The following COLEC10 variants were observed in gnomAD, a reference collection of about 807,000 sequenced individuals.
The protein encoded by COLEC10 is collectin subfamily member 10, also known as collectin-10.
COLEC10 carries 22 observed loss-of-function variants against 28.4 expected under a neutral mutation model. The ratio of observed to expected loss-of-function variants is 0.78; its 90% CI spans 0.55 to 1.11. The LOEUF (loss-of-function observed/expected upper bound fraction) is 1.11. Ranked by LOEUF, COLEC10 falls within the 50% of genes least tolerant of loss-of-function variation. The pLI is 0.00. For missense variants in COLEC10, 361 were observed against 344.1 expected (o/e 1.05, Z -0.39); for synonymous variants, 125 against 116.1 (o/e 1.08, Z -0.49).
In COLEC10 at chr8:119,107,697, G is replaced by A. The variant is rs984359283; in HGVS notation, c.*1506G>A. ...GACTTACCTAAATGAAGTGGAACAC[G>A]TGGGGACCCTAGTGCACTGAGCACA... On this transcript the variant is annotated 3_prime_UTR_variant, in exon 6 of 6. Coordinates refer to ENST00000332843, the MANE Select transcript of COLEC10 (RefSeq NM_006438.5). Among the ~76,000 whole-genome samples, 1 of 152,144 alleles carries A rather than the reference G, an allele frequency of 6.6e-6. No homozygotes were observed. The highest frequency in any genetic ancestry group is 2.4e-5 in the African/African-American group (1 of 41,452).
chr8:119,096,333 T>C (rs1815716164), intron 3 of COLEC10, among the ~76,000 whole-genome samples: 1 of 152,206 alleles, frequency 6.6e-6, no homozygotes, highest in African/African-American at 2.4e-5. Flanking sequence ...AGCTGACGCC[T>C]GTACTCCCAG....
chr8:119,046,864 T>C (rs1814595675), intron 2 of COLEC10, among the ~76,000 whole-genome samples: 1 of 152,238 alleles, frequency 6.6e-6, no homozygotes, highest in Non-Finnish European at 1.5e-5. Context: ...AACATGATCA[T>C]GACCCATAAA....
intron 1 of COLEC10, among the ~76,000 whole-genome samples, chr8:119,083,543 A>G (rs182902476): frequency 3.9e-5 from 6 of 152,278 alleles, no homozygotes; most frequent in Non-Finnish European, 7.4e-5. Context: ...AATGCTCAGT[A>G]TGCTTGCAAT....
At chr8:118,975,446 C>T in the COLEC10 span, among the ~76,000 whole-genome samples, 1 of 151,962 alleles carries the variant, frequency 6.6e-6, no homozygotes, top group Admixed American at 6.6e-5. Context: ...GCATATAACT[C>T]ATTGTGTCAT....
At chr8:119,067,588 T>G (rs1031039170) in intron 1 of COLEC10, 159 bp downstream of exon 1, 2 of 644,532 alleles carry the variant, frequency 3.1e-6, no homozygotes, top group Admixed American at 6.1e-5. Flanking sequence ...AGATCTGGTC[T>G]GTTACTTATT....
chr8:119,049,642 C>G (rs1483967465), intron 2 of COLEC10, among the ~76,000 whole-genome samples: 1 of 151,998 alleles, frequency 6.6e-6, no homozygotes, highest in Non-Finnish European at 1.5e-5. Flanking sequence ...TCTCAATCTC[C>G]TGACCTCGTG....
chr8:119,003,738 C>A (rs888703578), intron 1 of COLEC10, among the ~76,000 whole-genome samples: 1 of 152,014 alleles, frequency 6.6e-6, no homozygotes, highest in Non-Finnish European at 1.5e-5. Flanking sequence ...TAACCCATAA[C>A]CTTATCTCTA....
chr8:119,091,385 C>CAA (rs33915063), intron 3 of COLEC10, among the ~76,000 whole-genome samples, 165 bp downstream of exon 3: 1 of 137,478 alleles, frequency 7.3e-6, no homozygotes, highest in South Asian at 2.4e-4. Context: ...CAATCTCTAC[C>CAA]AAAAAAAAAA....
At position 119,106,156 on chromosome 8, in the gene COLEC10, T is replaced by C; in HGVS notation, c.799T>C (p.Tyr267His). ...WNDTECHLTM[Y>H]FVCEFIKKKK ...TGACACAGAGTGCCATCTTACCATG[T>C]ACTTTGTCTGTGAGTTCATCAAGAA... Residue 267 changes from tyrosine to histidine, a missense_variant, in exon 6 of 6, where the codon TAC becomes CAC. By Grantham distance (83) the Tyr-to-His change is moderately conservative (BLOSUM62 2). Transcript: ENST00000332843. The C allele has an allele frequency of 6.2e-7, 1 of 1,606,562 alleles. No individual in the cohort carries two copies. Among genetic ancestry groups the C allele is most frequent in the Non-Finnish European group, 8.5e-7 (1 of 1,173,838 alleles).
At chr8:119,006,738 A>AC (rs1563714748) in intron 1 of COLEC10, among the ~76,000 whole-genome samples, 2 of 149,696 alleles carry the variant, frequency 1.3e-5, no homozygotes, top group African/African-American at 4.9e-5. Context: ...ATCTTTACCC[A>AC]TTTTTTTTTA....
At chr8:118,970,972 G>T in the COLEC10 span, among the ~76,000 whole-genome samples, 5 of 151,954 alleles carry the variant, frequency 3.3e-5, no homozygotes, top group Non-Finnish European at 7.4e-5. Flanking sequence ...AATGGCCAAA[G>T]ATCAAGCCAG....
chr8:119,049,516 G>T (rs1435473447), intron 2 of COLEC10, among the ~76,000 whole-genome samples: 2 of 136,238 alleles, frequency 1.5e-5, no homozygotes, highest in Non-Finnish European at 3.1e-5. Flanking sequence ...CAGGGTTCAC[G>T]CCATTCTCCT....
intron 1 of COLEC10, among the ~76,000 whole-genome samples, chr8:119,085,299 A>G (rs1022819990): frequency 1.3e-5 from 2 of 152,212 alleles, no homozygotes; most frequent in African/African-American, 2.4e-5. Flanking sequence ...GCAGGTCCCA[A>G]TGAGGCCTGA....
At position 119,108,184 on chromosome 8, in the gene COLEC10, A is replaced by C. The variant is rs1270180379; in HGVS notation, c.*1993A>C. On this transcript the variant is annotated 3_prime_UTR_variant, in exon 6 of 6. Transcript: ENST00000332843. ...AAGGCAGAAAAGCTTAATAAAAATT[A>C]CAAAGTAGGACATCAAACGCCAGTA... Among the ~76,000 whole-genome samples the C allele has an allele frequency of 6.6e-6, 1 of 152,324 alleles. No individual in the cohort carries two copies. Among genetic ancestry groups the C allele is most frequent in the South Asian group, 2.1e-4 (1 of 4,828 alleles).
intron 1 of COLEC10, among the ~76,000 whole-genome samples, chr8:118,996,584 C>T (rs542763381): frequency 8.5e-5 from 13 of 152,070 alleles, no homozygotes; most frequent in Admixed American, 3.3e-4. Flanking sequence ...ATTGTGGTTC[C>T]GGTTTACATT....
chr8:119,080,398 C>T (rs973952400), intron 1 of COLEC10, among the ~76,000 whole-genome samples: 1 of 152,156 alleles, frequency 6.6e-6, no homozygotes, highest in Non-Finnish European at 1.5e-5. Context: ...GGAACTTACA[C>T]TTTAATTAAA....
At chr8:119,057,554 G>A (rs1318807129) in intron 2 of COLEC10, among the ~76,000 whole-genome samples, 23 of 151,830 alleles carry the variant, frequency 1.5e-4, no homozygotes, top group Admixed American at 1.5e-3. Flanking sequence ...AACTACTATT[G>A]TACTTCTCTG....
chr8:118,970,591 G>T, the COLEC10 span, among the ~76,000 whole-genome samples: 1 of 151,226 alleles, frequency 6.6e-6, no homozygotes, highest in African/African-American at 2.4e-5. Context: ...ATGCATAGTG[G>T]AATCTCAATA....
chr8:119,075,080 C>T (rs1815201280), intron 1 of COLEC10, among the ~76,000 whole-genome samples: 1 of 152,202 alleles, frequency 6.6e-6, no homozygotes, highest in Non-Finnish European at 1.5e-5. Flanking sequence ...ATCGTTCTTC[C>T]TTCTTCCTTT....
Sources: allele counts gnomAD v4.1 joint callset (sites outside exome capture counted in the v4.1 genomes callset), GRCh38; gene constraint gnomAD v4.1.1; transcripts MANE v1.5; gene names NCBI Gene and HGNC (gene_info 2026-07-23, HGNC 2026-07-21).